Variants in C8orf34 observed in about 807,000 individuals in gnomAD.
The protein encoded by C8orf34 is chromosome 8 open reading frame 34, also known as uncharacterized protein C8orf34.
A neutral mutation model predicts 68.3 loss-of-function variants in C8orf34; 65 were observed. The observed-to-expected ratio is 0.95, with a 90% CI of 0.78 to 1.17. The LOEUF (loss-of-function observed/expected upper bound fraction) is 1.17. Among genes scored for constraint, C8orf34 ranks in the 50% most tolerant of loss-of-function variants. The pLI is 0.00. For missense variants in C8orf34, 664 were observed against 655.4 expected (o/e 1.01, Z -0.14); for synonymous variants, 244 against 241.2 (o/e 1.01, Z -0.11).
intron 8 of C8orf34, among the ~76,000 whole-genome samples, chr8:68,703,646 A>G (rs1175272693): frequency 2.0e-5 from 3 of 152,104 alleles, no homozygotes; most frequent in Non-Finnish European, 4.4e-5. Context: ...CTTGACCAGA[A>G]GCCTATGAAT....
At chr8:68,551,194 A>AT (rs1405478061) in intron 7 of C8orf34, among the ~76,000 whole-genome samples, 12 of 151,622 alleles carry the variant, frequency 7.9e-5, no homozygotes, top group Non-Finnish European at 1.6e-4. Flanking sequence ...TGCTGATGTG[A>AT]TTTTTTTATT....
intron 1 of C8orf34, among the ~76,000 whole-genome samples, chr8:68,389,700 T>A (rs944559345): frequency 1.3e-5 from 2 of 152,118 alleles, no homozygotes; most frequent in African/African-American, 4.8e-5. Flanking sequence ...AGCCAAGAGG[T>A]TACAAATTAA....
intron 7 of C8orf34, among the ~76,000 whole-genome samples, chr8:68,610,609 C>G (rs763680845): frequency 2.0e-5 from 3 of 152,028 alleles, no homozygotes; most frequent in East Asian, 1.9e-4. Context: ...ATCTACTAAG[C>G]TTTAGGAAGT....
intron 10 of C8orf34, among the ~76,000 whole-genome samples, chr8:68,740,486 A>G (rs1272715598): frequency 3.9e-5 from 6 of 152,222 alleles, no homozygotes; most frequent in Non-Finnish European, 8.8e-5. Flanking sequence ...TACGAAAAAA[A>G]AGCTCAATAT....
intron 11 of C8orf34, among the ~76,000 whole-genome samples, chr8:68,778,833 C>A (rs1287758558): frequency 6.6e-6 from 1 of 152,024 alleles, no homozygotes; most frequent in Non-Finnish European, 1.5e-5. Flanking sequence ...TCAATCAGTT[C>A]CAAATCTGGA....
At position 68,562,929 on chromosome 8, in the gene C8orf34, T is replaced by C. The variant is rs575283639; in HGVS notation, c.1105+29780T>C. Among the ~76,000 whole-genome samples the C allele has an allele frequency of 2.1e-3, 314 of 152,312 alleles. 2 individuals carry two copies. Among genetic ancestry groups the C allele is most frequent in the Admixed American group, 3.5e-3 (54 of 15,296 alleles). ...AGAAATTAGAATTTCTATTCATACCTTAACCTTGGTAGTTGTCCATAATTC... is the reference window on the plus strand; with the variant it reads ...AGAAATTAGAATTTCTATTCATACCCTAACCTTGGTAGTTGTCCATAATTC... On this transcript the variant is annotated intron_variant, in intron 7 of 13. Coordinates refer to ENST00000518698, the MANE Select transcript of C8orf34 (RefSeq NM_052958.4).
chr8:68,573,419 C>G (rs1816812962), intron 7 of C8orf34, among the ~76,000 whole-genome samples: 1 of 152,122 alleles, frequency 6.6e-6, no homozygotes, highest in African/African-American at 2.4e-5. Flanking sequence ...TATACGGAAC[C>G]AACCCAGATC....
intron 1 of C8orf34, among the ~76,000 whole-genome samples, chr8:68,335,670 C>T (rs1396053873): frequency 6.6e-6 from 1 of 152,158 alleles, no homozygotes; most frequent in Non-Finnish European, 1.5e-5. Context: ...TATTTTCATG[C>T]AGCTTTTAAA....
At chr8:68,817,808 G>A (rs187259407) in intron 13 of C8orf34, among the ~76,000 whole-genome samples, 142 of 152,182 alleles carry the variant, frequency 9.3e-4, no homozygotes, top group African/African-American at 3.3e-3. Flanking sequence ...CAAAAGGGAG[G>A]CAAGACACCT....
rs539095893 is a variant in C8orf34 at position 68,402,347 on chromosome 8, C to T, written c.328-37152C>T. Among the ~76,000 whole-genome samples the T allele has an allele frequency of 8.0e-4, 121 of 151,998 alleles. 1 individual carries two copies. The highest frequency in any genetic ancestry group is 2.4e-3 in the African/African-American group (101 of 41,474). On this transcript the variant is annotated intron_variant, in intron 1 of 13. Coordinates refer to ENST00000518698, the MANE Select transcript of C8orf34 (RefSeq NM_052958.4). The stretch of plus-strand genomic sequence containing the variant: ...AGTTTGTCAATTTTGTTTATCTTTT[C>T]GAGGAACTAATTTTTTCTTTCATTG...
intron 1 of C8orf34, among the ~76,000 whole-genome samples, chr8:68,419,464 C>A (rs1809843034): frequency 1.3e-5 from 2 of 151,238 alleles, no homozygotes; most frequent in Admixed American, 1.3e-4. Context: ...TTGACCCAGC[C>A]ATCCCATTAC....
chr8:68,375,448 A>G (rs1807751191), intron 1 of C8orf34, among the ~76,000 whole-genome samples: 1 of 152,238 alleles, frequency 6.6e-6, no homozygotes, highest in African/African-American at 2.4e-5. Flanking sequence ...TGTACACCCC[A>G]TTGAGAAACC....
At chr8:68,447,745 T>A (rs903016341) in intron 3 of C8orf34, 2 of 152,228 alleles carry the variant, frequency 1.3e-5, no homozygotes, top group Non-Finnish European at 2.9e-5. Flanking sequence ...TCATAAAAAG[T>A]ATTGCATTAA....
chr8:68,629,704 C>G (rs573655683), intron 7 of C8orf34, among the ~76,000 whole-genome samples: 1 of 152,106 alleles, frequency 6.6e-6, no homozygotes, highest in Admixed American at 6.5e-5. Flanking sequence ...GATCAAGTTT[C>G]TATTCTAAGG....
At chr8:68,776,332 A>C in intron 10 of C8orf34, 67 bp from the exon 11 acceptor site, 1 of 1,216,498 alleles carries the variant, frequency 8.2e-7, no homozygotes, top group Non-Finnish European at 1.2e-6. Context: ...CCCACTCTCC[A>C]CGATTCTTTC....
At chr8:68,786,375 A>T (rs1823846470) in intron 11 of C8orf34, among the ~76,000 whole-genome samples, 1 of 152,182 alleles carries the variant, frequency 6.6e-6, no homozygotes, top group Non-Finnish European at 1.5e-5. Flanking sequence ...CAAGGGATAT[A>T]GTAGATGCTA....
chr8:68,617,216 C>T (rs1196724583), intron 7 of C8orf34, among the ~76,000 whole-genome samples: 1 of 152,120 alleles, frequency 6.6e-6, no homozygotes, highest in East Asian at 1.9e-4. Flanking sequence ...GAGTACAGCA[C>T]ACTGATGGGT....
chr8:68,640,527 G>A lies in C8orf34; in HGVS notation c.1241+16G>A, dbSNP rs766076757. ...GGTGTGCCAGGTAAAAGACATAATA[G>A]GTATAGTATATATAAACATGATCTT... On this transcript the variant is annotated intron_variant, in intron 8 of 13. Transcript: ENST00000518698. 5.0e-6 allele frequency: 8 copies of A among 1,605,842 alleles called. No homozygotes were observed. The African/African-American group carries it at 9.4e-5, about 19-fold the overall frequency.
chr8:68,525,784 C>A, intron 6 of C8orf34: 1 of 571,302 alleles, frequency 1.8e-6, no homozygotes, highest in South Asian at 1.4e-5. Context: ...AGCCATGCTT[C>A]ATCACAGTGA....
Sources: allele counts gnomAD v4.1 joint callset (sites outside exome capture counted in the v4.1 genomes callset), GRCh38; gene constraint gnomAD v4.1.1; transcripts MANE v1.5; gene names NCBI Gene and HGNC (gene_info 2026-07-23, HGNC 2026-07-21).